The following NPAS2 variants were observed in gnomAD, a reference collection of about 807,000 sequenced individuals.
NPAS2 encodes the protein neuronal PAS domain protein 2, also known as neuronal PAS domain-containing protein 2.
A neutral mutation model predicts 107.5 loss-of-function variants in NPAS2; 23 were observed. The ratio of observed to expected loss-of-function variants is 0.21; its 90% CI spans 0.15 to 0.30. NPAS2 has a LOEUF of 0.30. Ranked by LOEUF, NPAS2 falls within the 10% of genes least tolerant of loss-of-function variation. The probability of loss-of-function intolerance (pLI) is 1.00; values close to 1 mark genes in which losing one functional copy is unlikely to be tolerated. For missense variants in NPAS2, 756 were observed against 1,043.3 expected (o/e 0.72, Z 3.79); for synonymous variants, 403 against 417.5 (o/e 0.97, Z 0.42).
At chr2:100,904,380 ATAAT>A (rs997803165) in intron 1 of NPAS2, among the ~76,000 whole-genome samples, 1 of 152,248 alleles carries the variant, frequency 6.6e-6, no homozygotes, top group African/African-American at 2.4e-5. Flanking sequence ...TTTTCAAAAT[ATAAT>A]TAACTCGTTA....
chr2:100,926,225 ATGC>A (rs1573636197), intron 3 of NPAS2, among the ~76,000 whole-genome samples: 1 of 152,158 alleles, frequency 6.6e-6, no homozygotes, highest in African/African-American at 2.4e-5. Context: ...ATTATGAATG[ATGC>A]TGCTGTGAAC....
chr2:100,940,247 G>A (rs1674495768), intron 5 of NPAS2, among the ~76,000 whole-genome samples: 1 of 152,144 alleles, frequency 6.6e-6, no homozygotes, highest in African/African-American at 2.4e-5. Flanking sequence ...GGCACAGTGG[G>A]GCTTACCCCA....
chr2:100,899,838 C>T (rs994857826), intron 1 of NPAS2, among the ~76,000 whole-genome samples: 2 of 152,068 alleles, frequency 1.3e-5, no homozygotes, highest in African/African-American at 4.8e-5. Flanking sequence ...TGCAATTCAA[C>T]AGGGAAATAA....
intron 14 of NPAS2, chr2:100,975,804 TAAGGATTA>T (rs1676951500): frequency 2.4e-6 from 1 of 419,688 alleles, no homozygotes; most frequent in Non-Finnish European, 4.2e-6. Context: ...AAGTGAATTT[TAAGGATTA>T]AAGGCAAAAC....
intron 7 of NPAS2, among the ~76,000 whole-genome samples, chr2:100,955,562 T>G (rs1675518876): frequency 6.6e-6 from 1 of 152,158 alleles, no homozygotes. Context: ...TGCACTTATA[T>G]GCAGAAGAGC....
At chr2:100,894,947 T>G (rs961563348) in intron 1 of NPAS2, among the ~76,000 whole-genome samples, 1 of 152,236 alleles carries the variant, frequency 6.6e-6, no homozygotes, top group African/African-American at 2.4e-5. Context: ...CTTCATTGAT[T>G]AGGCAAAACA....
At chr2:100,864,861 A>G (rs1679160262) in intron 1 of NPAS2, among the ~76,000 whole-genome samples, 1 of 152,238 alleles carries the variant, frequency 6.6e-6, no homozygotes. Flanking sequence ...AAAACTGAGA[A>G]CATTTAAAAA....
chr2:100,942,146 G>C (rs1160389925), intron 5 of NPAS2, among the ~76,000 whole-genome samples: 1 of 152,146 alleles, frequency 6.6e-6, no homozygotes, highest in East Asian at 1.9e-4. Context: ...AAATCTGCAG[G>C]CCAGAAAATA....
At chr2:100,841,259 A>G (rs1677376912) in intron 1 of NPAS2, among the ~76,000 whole-genome samples, 1 of 151,874 alleles carries the variant, frequency 6.6e-6, no homozygotes, top group African/African-American at 2.4e-5. Context: ...ACATGGCAAA[A>G]CTCTTTCTCT....
intron 1 of NPAS2, among the ~76,000 whole-genome samples, chr2:100,897,262 C>T (rs982692513): frequency 2.6e-5 from 4 of 152,162 alleles, no homozygotes; most frequent in Admixed American, 1.3e-4. Flanking sequence ...ACAGCCAAAC[C>T]ATATCATAGC....
intron 5 of NPAS2, among the ~76,000 whole-genome samples, chr2:100,941,425 T>C (rs1674569447): frequency 6.6e-6 from 1 of 152,026 alleles, no homozygotes; most frequent in Non-Finnish European, 1.5e-5. Flanking sequence ...TGGTCAGGTG[T>C]GGTGGCGCAT....
intron 1 of NPAS2, among the ~76,000 whole-genome samples, chr2:100,860,727 G>C (rs1421172693): frequency 1.3e-5 from 2 of 152,150 alleles, no homozygotes; most frequent in African/African-American, 4.8e-5. Context: ...TGGGTTCTCA[G>C]ATTGTCCCAG....
intron 5 of NPAS2, among the ~76,000 whole-genome samples, chr2:100,943,514 T>C (rs1674707566): frequency 6.6e-6 from 1 of 152,226 alleles, no homozygotes; most frequent in South Asian, 2.1e-4. Context: ...ACTCCACAGC[T>C]GACACTGGAT....
chr2:100,855,568 A>G (rs925316769), intron 1 of NPAS2, among the ~76,000 whole-genome samples: 2 of 152,176 alleles, frequency 1.3e-5, no homozygotes, highest in Admixed American at 1.3e-4. Flanking sequence ...CATTTATTCC[A>G]CAATCCAGAT....
intron 1 of NPAS2, among the ~76,000 whole-genome samples, chr2:100,850,952 T>G: frequency 1.1e-4 from 1 of 8,830 alleles, no homozygotes; most frequent in African/African-American, 1.1e-3. Flanking sequence ...AAACTCTGTC[T>G]CAAAAAAAAA....
intron 1 of NPAS2, among the ~76,000 whole-genome samples, chr2:100,837,338 T>G (rs1375788955): frequency 1.3e-5 from 2 of 152,332 alleles, no homozygotes; most frequent in South Asian, 4.1e-4. Flanking sequence ...GATGAATTTT[T>G]GCTCTTGTCA....
chr2:100,844,065 A>G (rs1386576110), intron 1 of NPAS2, among the ~76,000 whole-genome samples: 2 of 152,206 alleles, frequency 1.3e-5, no homozygotes, highest in African/African-American at 2.4e-5. Flanking sequence ...ACAGACTCCC[A>G]GGGCCGTGTC....
Position 100,990,364 on chromosome 2 carries a change from A to C in NPAS2, c.1936A>C (p.Asn646His). 1 of 1,614,188 alleles carries C rather than the reference A, an allele frequency of 6.2e-7. No individual in the cohort carries two copies. Reference protein sequence around the residue: ...SATAALPPSLNLTTPASTSQD... With the variant: ...SATAALPPSLHLTTPASTSQD... Reference sequence around the variant, plus strand: ...CACAGCTGCGCTCCCGCCAAGTCTGAATCTGACCACACCTGCTTCCACCTC... The same window carrying C: ...CACAGCTGCGCTCCCGCCAAGTCTGCATCTGACCACACCTGCTTCCACCTC... Residue 646 changes from asparagine (N) to histidine (H), a missense_variant, in exon 18 of 21, where the codon AAT (asparagine) becomes CAT (histidine). This residue lies in a region of NPAS2 where 496 missense variants were observed against 594.4 expected (regional missense o/e 0.83). Coordinates refer to ENST00000335681, the MANE Select transcript of NPAS2 (RefSeq NM_002518.4).
chr2:100,850,651 A>G (rs1274837535), intron 1 of NPAS2, among the ~76,000 whole-genome samples: 1 of 152,152 alleles, frequency 6.6e-6, no homozygotes, highest in East Asian at 1.9e-4. Flanking sequence ...AATATCCTTC[A>G]GCCTTAAAAA....
Sources: allele counts gnomAD v4.1 joint callset (sites outside exome capture counted in the v4.1 genomes callset), GRCh38; gene constraint gnomAD v4.1.1; regional missense constraint gnomAD v4.1.1; transcripts MANE v1.5; gene names NCBI Gene and HGNC (gene_info 2026-07-23, HGNC 2026-07-21).